DPP6: variants seen among roughly 807,000 people sequenced by gnomAD.
DPP6 encodes the protein dipeptidyl peptidase like 6.
DPP6 carries 69 observed loss-of-function variants against 122.6 expected under a neutral mutation model. That is an observed-to-expected ratio of 0.56 (90% CI 0.46 to 0.69). The LOEUF is 0.69. Among genes scored for constraint, DPP6 ranks in the 30% least tolerant of loss-of-function variants. The pLI, the probability that DPP6 is intolerant of heterozygous loss-of-function variation, is 0.00. For synonymous variants in DPP6, 418 were observed against 433.1 expected (o/e 0.97, Z 0.43); for missense variants, 928 against 1,116.9 (o/e 0.83, Z 2.41).
chr7:154,637,533 A>G (rs1469147490), intron 5 of DPP6, among the ~76,000 whole-genome samples: 1 of 152,210 alleles, frequency 6.6e-6, no homozygotes, highest in Non-Finnish European at 1.5e-5. Flanking sequence ...GTTCTGTGCT[A>G]TATTTAGTTA....
At chr7:154,642,803 G>A (rs972467614) in intron 6 of DPP6, among the ~76,000 whole-genome samples, 5 of 151,908 alleles carry the variant, frequency 3.3e-5, no homozygotes, top group Admixed American at 1.3e-4. Flanking sequence ...TAGTGAGGCT[G>A]AGGCACAAGA....
At chr7:154,279,339 G>A (rs1372917924) in intron 1 of DPP6, among the ~76,000 whole-genome samples, 3 of 152,164 alleles carry the variant, frequency 2.0e-5, no homozygotes, top group Admixed American at 6.5e-5. Flanking sequence ...GTAGTTTGGT[G>A]TAGGGTTAAA....
At chr7:154,480,075 C>G (rs1873601) in intron 3 of DPP6, among the ~76,000 whole-genome samples, 59,055 of 149,490 alleles carry the variant, frequency 0.4, 11,670 homozygotes, top group Middle Eastern at 0.52. Flanking sequence ...TCTAAAGGAA[C>G]CACAGATGCA....
At chr7:154,267,733 G>A in intron 1 of DPP6, among the ~76,000 whole-genome samples, 2 of 96,998 alleles carry the variant, frequency 2.1e-5, no homozygotes, top group Non-Finnish European at 4.1e-5. Flanking sequence ...ACATATATAT[G>A]TGTGTGTATA....
At position 154,052,641 on chromosome 7, in the gene DPP6, T is replaced by G; in HGVS notation, c.-180T>G. Reference sequence around the variant, plus strand: ...GCCAGGCAGAGTCGCCAGCGGAGACTCGCGAGTGGCGCGCGGGAGGAGCGG... The same window carrying G: ...GCCAGGCAGAGTCGCCAGCGGAGACGCGCGAGTGGCGCGCGGGAGGAGCGG... On this transcript the variant is annotated 5_prime_UTR_variant, in exon 1 of 26. Transcript: ENST00000377770. This position sits in a 1 kb window ranked among gnomAD's most constrained non-coding sequence, Gnocchi z 4.8. 1.6e-6 allele frequency: 2 copies of G among 1,263,680 alleles called. No homozygotes were observed. Among genetic ancestry groups the G allele is most frequent in the Non-Finnish European group, 2.0e-6 (2 of 995,324 alleles). 78.3% of individuals were successfully genotyped at this position (1,263,680 alleles called of 1,614,324 possible).
chr7:154,748,502 G>A (rs1843144013), intron 8 of DPP6, among the ~76,000 whole-genome samples: 1 of 152,180 alleles, frequency 6.6e-6, no homozygotes, highest in Non-Finnish European at 1.5e-5. Context: ...GCCAACACCC[G>A]CGGCACTAGA....
At chr7:153,973,852 G>A (rs1796158402) in intron 1 of DPP6, among the ~76,000 whole-genome samples, 2 of 146,990 alleles carry the variant, frequency 1.4e-5, no homozygotes, top group Admixed American at 1.3e-4. Context: ...TTCATTTTTA[G>A]TATAGAAGCT....
At chr7:153,823,371 G>C in the DPP6 span, among the ~76,000 whole-genome samples, 3 of 148,800 alleles carry the variant, frequency 2.0e-5, 1 homozygote, top group Admixed American at 2.0e-4. Context: ...CTTCCACAGG[G>C]GGCCTCTTGC....
intron 16 of DPP6, among the ~76,000 whole-genome samples, chr7:154,814,573 G>GA (rs1310627102): frequency 6.6e-6 from 1 of 152,042 alleles, no homozygotes; most frequent in Non-Finnish European, 1.5e-5. Context: ...CATCTTTAAA[G>GA]AAAAAAAGCA....
chr7:153,958,981 G>A (rs943107162), intron 1 of DPP6, among the ~76,000 whole-genome samples: 3 of 152,100 alleles, frequency 2.0e-5, no homozygotes, highest in Non-Finnish European at 2.9e-5. Flanking sequence ...AGAGCACGCC[G>A]TTGAGGGGAT....
intron 1 of DPP6, among the ~76,000 whole-genome samples, chr7:154,313,751 A>ACACACACACACACACC (rs147976247): frequency 6.6e-5 from 3 of 45,280 alleles, no homozygotes; most frequent in South Asian, 1.1e-3. Context: ...ACACACACAC[A>ACACACACACACACACC]CCCTTACATA....
intron 1 of DPP6, among the ~76,000 whole-genome samples, chr7:154,358,142 C>A (rs759861549): frequency 6.6e-6 from 1 of 152,090 alleles, no homozygotes; most frequent in Non-Finnish European, 1.5e-5. Context: ...CTCCTTTAAC[C>A]TGTCTTACAA....
the DPP6 span, among the ~76,000 whole-genome samples, chr7:153,849,858 C>T: frequency 6.6e-6 from 1 of 152,164 alleles, no homozygotes; most frequent in South Asian, 2.1e-4. Context: ...CATTTTCATT[C>T]CTCCTGTATC....
chr7:154,516,671 G>T (rs146462561), intron 3 of DPP6, among the ~76,000 whole-genome samples: 1 of 152,176 alleles, frequency 6.6e-6, no homozygotes, highest in Non-Finnish European at 1.5e-5. Flanking sequence ...GAAATGTAAG[G>T]TGCATGAATT....
chr7:154,703,893 C>T (rs557773173), intron 7 of DPP6, among the ~76,000 whole-genome samples: 60 of 151,366 alleles, frequency 4.0e-4, no homozygotes, highest in African/African-American at 1.2e-3. Flanking sequence ...GCCAAGATCG[C>T]GCCACTGCGC....
intron 3 of DPP6, among the ~76,000 whole-genome samples, chr7:154,538,411 G>A (rs1422108341): frequency 6.6e-6 from 1 of 152,028 alleles, no homozygotes; most frequent in African/African-American, 2.4e-5. Context: ...CCCTGCAACA[G>A]GCCCCAGTGT....
chr7:154,018,800 C>T (rs908179982), intron 1 of DPP6, among the ~76,000 whole-genome samples: 1 of 152,186 alleles, frequency 6.6e-6, no homozygotes, highest in Admixed American at 6.5e-5. Context: ...TTCTCTCTTG[C>T]AGAAGAAGAG....
chr7:154,058,624 G>A (rs1205468656), intron 1 of DPP6: 1 of 149,850 alleles, frequency 6.7e-6, no homozygotes. Context: ...CCCAGCTTAG[G>A]ACCCACATCG....
At chr7:153,797,832 T>A in the DPP6 span, among the ~76,000 whole-genome samples, 2 of 148,176 alleles carry the variant, frequency 1.3e-5, no homozygotes, top group African/African-American at 5.2e-5. Flanking sequence ...TGTCCCTCCA[T>A]CTTCTTCTTC....
Sources: allele counts gnomAD v4.1 joint callset (sites outside exome capture counted in the v4.1 genomes callset), GRCh38; gene constraint gnomAD v4.1.1; non-coding constraint Gnocchi (gnomAD v3.1); transcripts MANE v1.5; gene names NCBI Gene and HGNC (gene_info 2026-07-23, HGNC 2026-07-21).